Variants in CDH13 observed in about 807,000 individuals in gnomAD.
The protein encoded by CDH13 is cadherin-13.
A neutral mutation model predicts 63.8 loss-of-function variants in CDH13; 24 were observed. That is an observed-to-expected ratio of 0.38 (90% CI 0.27 to 0.53). The LOEUF is 0.53. CDH13 is among the 20% of genes least tolerant of loss of function. The probability of loss-of-function intolerance (pLI) is 0.85; values close to 1 mark genes in which losing one functional copy is unlikely to be tolerated. For missense variants in CDH13, 1,049 were observed against 903.1 expected (o/e 1.16, Z -2.07); for synonymous variants, 503 against 355.3 (o/e 1.42, Z -4.67).
intron 1 of CDH13, among the ~76,000 whole-genome samples, chr16:82,828,745 A>C (rs1050517353): frequency 2.0e-5 from 3 of 152,160 alleles, no homozygotes; most frequent in Non-Finnish European, 4.4e-5. Context: ...TACAAATAAA[A>C]ATACAGTACA....
At chr16:83,686,988 T>C (rs1317467240) in intron 10 of CDH13, among the ~76,000 whole-genome samples, 6 of 152,252 alleles carry the variant, frequency 3.9e-5, no homozygotes, top group South Asian at 2.1e-4. Flanking sequence ...GGTGGGCAGA[T>C]CATTTGAGGT....
At chr16:83,386,638 C>T (rs1247762770) in intron 6 of CDH13, among the ~76,000 whole-genome samples, 1 of 152,164 alleles carries the variant, frequency 6.6e-6, no homozygotes, top group Admixed American at 6.5e-5. Context: ...GTGGTCACTT[C>T]ATTTAAGGTA....
At position 82,952,868 on chromosome 16, in the gene CDH13, C is replaced by T. The variant is rs180713150; in HGVS notation, c.158-79142C>T. On this transcript the variant is annotated intron_variant, in intron 2 of 13. Transcript: ENST00000567109. ...CTCCACCTCTGATTCCTCACTAGTG[C>T]TTCTAATTTACTGAAGCCAGCTGGA... 1.9e-3 allele frequency among the ~76,000 whole-genome samples: 292 copies of T among 152,230 alleles called. 1 individual carries two copies. Among genetic ancestry groups the T allele is most frequent in the African/African-American group, 6.7e-3 (277 of 41,540 alleles).
rs531299975 is a variant in CDH13, at chr16:82,734,857, G to C, written c.45+107720G>C. 2.0e-5 allele frequency among the ~76,000 whole-genome samples: 3 copies of C among 152,316 alleles called. No individual in the cohort carries two copies. In the South Asian group the frequency reaches 6.2e-4, roughly 32 times the overall value. On this transcript the variant is annotated intron_variant, in intron 1 of 13. Transcript: ENST00000567109. ...ACCTGGGTGATTGTTGAGAAGCTGA[G>C]AGCCGAGGGCTGCCTGCTGACCGCA...
At chr16:83,018,377 TA>T (rs1915016550) in intron 2 of CDH13, among the ~76,000 whole-genome samples, 1 of 152,182 alleles carries the variant, frequency 6.6e-6, no homozygotes, top group Non-Finnish European at 1.5e-5. Context: ...TTGTACATTG[TA>T]AGTGAAAAAA....
At position 83,590,246 on chromosome 16, in the gene CDH13, C is replaced by T. The variant is rs1326309804; in HGVS notation, c.961-12208C>T. ...AGGGGCATAGAAGAAGGCAGGGGGACCAACCTGGAAGCTGTTGCATAAGTC... is the reference window on the plus strand; with the variant it reads ...AGGGGCATAGAAGAAGGCAGGGGGATCAACCTGGAAGCTGTTGCATAAGTC... On this transcript the variant is annotated intron_variant, in intron 7 of 13. Transcript: ENST00000567109. Among the ~76,000 whole-genome samples, 2 of 152,006 alleles carry T rather than the reference C, an allele frequency of 1.3e-5. 1 individual carries two copies. The highest frequency in any genetic ancestry group is 2.9e-5 in the Non-Finnish European group (2 of 68,002).
chr16:83,607,869 G>A (rs1225511541), intron 8 of CDH13, among the ~76,000 whole-genome samples: 2 of 152,188 alleles, frequency 1.3e-5, no homozygotes, highest in East Asian at 3.9e-4. Flanking sequence ...GAAAACTTCA[G>A]CAGCCCCATT....
chr16:82,906,127 A>G (rs2041638420), intron 2 of CDH13, among the ~76,000 whole-genome samples: 1 of 152,178 alleles, frequency 6.6e-6, no homozygotes, highest in Non-Finnish European at 1.5e-5. Context: ...TCTTCTCCAC[A>G]AAAGCAAGGA....
chr16:83,759,644 G>T (rs1339603423), intron 11 of CDH13, among the ~76,000 whole-genome samples: 1 of 152,118 alleles, frequency 6.6e-6, no homozygotes, highest in Non-Finnish European at 1.5e-5. Flanking sequence ...AAATGCTGCA[G>T]GCCTGGTACA....
At chr16:82,934,010 A>G (rs559880639) in intron 2 of CDH13, among the ~76,000 whole-genome samples, 1 of 152,230 alleles carries the variant, frequency 6.6e-6, no homozygotes, top group Admixed American at 6.5e-5. Flanking sequence ...CCATGGATCT[A>G]CCATCCTGGG....
chr16:83,571,538 C>T (rs913611024), intron 7 of CDH13, among the ~76,000 whole-genome samples: 5 of 152,066 alleles, frequency 3.3e-5, no homozygotes, highest in East Asian at 1.9e-4. Context: ...TAACAGGCCC[C>T]GAGTTTGTAC....
chr16:82,887,313 T>G (rs1041644879), intron 2 of CDH13, among the ~76,000 whole-genome samples: 1 of 152,178 alleles, frequency 6.6e-6, no homozygotes, highest in Admixed American at 6.5e-5. Context: ...ATTCCTGGTC[T>G]AAATGAGAGT....
At chr16:82,807,487 C>T (rs1263354642) in intron 1 of CDH13, among the ~76,000 whole-genome samples, 9 of 152,040 alleles carry the variant, frequency 5.9e-5, no homozygotes, top group African/African-American at 2.2e-4. Context: ...TTCACAATTC[C>T]CAACTGGAGT....
intron 1 of CDH13, among the ~76,000 whole-genome samples, chr16:82,736,240 G>A (rs2151044978): frequency 6.6e-6 from 1 of 152,148 alleles, no homozygotes; most frequent in East Asian, 1.9e-4. Context: ...ATGGGCACCT[G>A]GGTGGGTGGA....
At chr16:83,211,336 G>A (rs2039331943) in intron 4 of CDH13, among the ~76,000 whole-genome samples, 1 of 152,078 alleles carries the variant, frequency 6.6e-6, no homozygotes, top group South Asian at 2.1e-4. Flanking sequence ...CTTTGTAATA[G>A]TTCTGTAAAT....
chr16:82,634,488 C>T (rs1350084560), intron 1 of CDH13, among the ~76,000 whole-genome samples: 13 of 152,178 alleles, frequency 8.5e-5, no homozygotes, highest in East Asian at 7.7e-4. Context: ...CATCAGCCGT[C>T]GGGCATCTGG....
intron 1 of CDH13, among the ~76,000 whole-genome samples, chr16:82,673,402 A>T (rs1361909841): frequency 6.6e-6 from 1 of 152,210 alleles, no homozygotes; most frequent in Non-Finnish European, 1.5e-5. Flanking sequence ...AGGAAATAAA[A>T]GTATCCCCAA....
chr16:83,338,184 T>TAAAAAAAA (rs5818440), intron 5 of CDH13, among the ~76,000 whole-genome samples: 1 of 135,098 alleles, frequency 7.4e-6, no homozygotes, highest in Non-Finnish European at 1.5e-5. Flanking sequence ...CTCTTCTTTT[T>TAAAAAAAA]AAAAAAAAAA....
intron 8 of CDH13, among the ~76,000 whole-genome samples, chr16:83,614,539 G>A (rs1028788165): frequency 3.3e-5 from 5 of 152,150 alleles, no homozygotes; most frequent in Admixed American, 6.5e-5. Flanking sequence ...TATTGGCCTC[G>A]CTTCAGTGAA....
Sources: gnomAD v4.1 joint callset for allele counts (sites outside exome capture counted in the v4.1 genomes callset) on GRCh38, gnomAD v4.1.1 for gene constraint, MANE v1.5 for transcripts, NCBI Gene and HGNC (gene_info 2026-07-23, HGNC 2026-07-21) for gene names.